The following B3GALT1 variants were observed in gnomAD, a reference collection of about 807,000 sequenced individuals.
B3GALT1 encodes the protein UDP-Gal:betaGlcNAc beta 1,3-galactosyltransferase, polypeptide 1.
B3GALT1 carries 10 observed loss-of-function variants against 23.2 expected under a neutral mutation model. The observed-to-expected ratio is 0.43, with a 90% CI of 0.27 to 0.73. The LOEUF is 0.73. B3GALT1 is among the 30% of genes least tolerant of loss of function. B3GALT1 has a pLI of 0.21. For missense variants in B3GALT1, 299 were observed against 405.4 expected, an observed-to-expected ratio of 0.74 and a Z score of 2.25; for synonymous variants, 156 against 141.5, an observed-to-expected ratio of 1.10 and a Z score of -0.73.
intron 4 of B3GALT1, among the ~76,000 whole-genome samples, chr2:167,829,898 T>C (rs1311857273): frequency 6.6e-6 from 1 of 151,446 alleles, no homozygotes; most frequent in Non-Finnish European, 1.5e-5. Flanking sequence ...TGAAATGGAG[T>C]GGTGGTCCTT....
intron 2 of B3GALT1, among the ~76,000 whole-genome samples, chr2:167,546,554 C>A (rs946888238): frequency 1.1e-4 from 16 of 152,130 alleles, no homozygotes; most frequent in Admixed American, 6.6e-5. Context: ...TCTCACCCCC[C>A]ACCCCAACTC....
At chr2:167,669,666 G>T (rs926052373) in intron 3 of B3GALT1, among the ~76,000 whole-genome samples, 1 of 152,184 alleles carries the variant, frequency 6.6e-6, no homozygotes, top group Non-Finnish European at 1.5e-5. Context: ...CTTTAGAAAT[G>T]TATGTAAAAT....
At chr2:167,562,692 G>T (rs1028460617) in intron 2 of B3GALT1, among the ~76,000 whole-genome samples, 2 of 146,262 alleles carry the variant, frequency 1.4e-5, no homozygotes, top group Admixed American at 6.9e-5. Flanking sequence ...GGTGTTTCTC[G>T]CAGAGGGGGA....
chr2:167,850,586 G>T (rs1689860330), intron 4 of B3GALT1, among the ~76,000 whole-genome samples: 1 of 152,134 alleles, frequency 6.6e-6, no homozygotes, highest in African/African-American at 2.4e-5. Flanking sequence ...AAAGATACTT[G>T]CACACGCATG....
chr2:167,580,516 A>G (rs1352306530), intron 2 of B3GALT1, among the ~76,000 whole-genome samples: 1 of 152,108 alleles, frequency 6.6e-6, no homozygotes, highest in Non-Finnish European at 1.5e-5. Context: ...TTTTAGCCCC[A>G]ATGAGAAACT....
In B3GALT1 at chr2:167,869,624, C is replaced by T. The variant is rs1323958035; in HGVS notation, c.585C>T (p.Ser195=). The T allele has an allele frequency of 6.2e-7, 1 of 1,614,160 alleles. No homozygotes were observed. Among genetic ancestry groups the T allele is most frequent in the South Asian group, 1.1e-5 (1 of 91,078 alleles). The stretch of plus-strand genomic sequence containing the variant: ...TTATTTATAAATTACTGAAACCCTC[C>T]ACCAAGCCACGAAGAAGGTATTTTA... ...DNLIYKLLKP[S]TKPRRRYFTG... The change falls in exon 5 of 5, where the codon TCC becomes TCT. Residue 195 remains serine, a synonymous_variant. Coordinates refer to ENST00000392690, the MANE Select transcript of B3GALT1 (RefSeq NM_020981.4). This position sits in a 1 kb window ranked among gnomAD's most constrained non-coding sequence, Gnocchi z 6.4.
intron 1 of B3GALT1, among the ~76,000 whole-genome samples, chr2:167,407,201 A>T (rs1049105985): frequency 6.6e-6 from 1 of 152,220 alleles, no homozygotes; most frequent in African/African-American, 2.4e-5. Flanking sequence ...CTCAGAAAAT[A>T]CACAAACACA....
intron 1 of B3GALT1, among the ~76,000 whole-genome samples, chr2:167,478,061 G>T (rs1355229103): frequency 1.3e-5 from 2 of 152,156 alleles, no homozygotes; most frequent in African/African-American, 2.4e-5. Context: ...AATCTGCTTT[G>T]CAATGAAATA....
At chr2:167,345,218 A>G (rs1697209930) in intron 1 of B3GALT1, among the ~76,000 whole-genome samples, 1 of 151,866 alleles carries the variant, frequency 6.6e-6, no homozygotes, top group Non-Finnish European at 1.5e-5. Flanking sequence ...TTGGCCATTG[A>G]TAGGAACTGA....
At chr2:167,456,188 G>A (rs1437778474) in intron 1 of B3GALT1, among the ~76,000 whole-genome samples, 1 of 152,180 alleles carries the variant, frequency 6.6e-6, no homozygotes, top group Non-Finnish European at 1.5e-5. Context: ...CAATCATGGT[G>A]GAAGGCAAAG....
intron 1 of B3GALT1, among the ~76,000 whole-genome samples, chr2:167,478,270 A>G (rs1202420509): frequency 6.6e-6 from 1 of 152,148 alleles, no homozygotes. Flanking sequence ...AATCCTAAAC[A>G]CCAACCCACT....
intron 3 of B3GALT1, among the ~76,000 whole-genome samples, chr2:167,796,816 A>G (rs1688553307): frequency 6.6e-6 from 1 of 152,210 alleles, no homozygotes; most frequent in African/African-American, 2.4e-5. Context: ...CAAATATTTT[A>G]TCTTTTAAAA....
At chr2:167,828,554 T>A (rs1430867219) in intron 4 of B3GALT1, among the ~76,000 whole-genome samples, 4 of 152,168 alleles carry the variant, frequency 2.6e-5, no homozygotes, top group African/African-American at 9.7e-5. Flanking sequence ...TTAAAACATG[T>A]CCCCTTCTTT....
chr2:167,296,119 T>G (rs892924341), intron 1 of B3GALT1, among the ~76,000 whole-genome samples: 3 of 152,194 alleles, frequency 2.0e-5, no homozygotes, highest in Non-Finnish European at 2.9e-5. Context: ...TCTAGATGAA[T>G]TTTAGTAATA....
chr2:167,805,760 G>A (rs1441274383), intron 3 of B3GALT1, among the ~76,000 whole-genome samples: 7 of 152,204 alleles, frequency 4.6e-5, no homozygotes, highest in South Asian at 4.1e-4. Flanking sequence ...GTCAGGTAGT[G>A]TGATGCCTCC....
At chr2:167,781,453 G>A (rs560180866) in intron 3 of B3GALT1, among the ~76,000 whole-genome samples, 76 of 152,232 alleles carry the variant, frequency 5.0e-4, no homozygotes, top group African/African-American at 1.8e-3. Context: ...GCTGCCGGAT[G>A]GGTGCAATAC....
In B3GALT1 at chr2:167,665,951, T is replaced by A. The variant is rs538067524; in HGVS notation, c.-352+18985T>A. Among the ~76,000 whole-genome samples the A allele has an allele frequency of 3.3e-5, 5 of 152,298 alleles. 1 individual carries two copies. The East Asian group carries it at 9.6e-4, about 29-fold the overall frequency. On this transcript the variant is annotated intron_variant, in intron 3 of 4. Transcript: ENST00000392690. ...TTAATTTTTTGAAGGGCTTTTTGTGTCTCTATTTCCTTCAGTTCTGCTCTG... is the reference window on the plus strand; with the variant it reads ...TTAATTTTTTGAAGGGCTTTTTGTGACTCTATTTCCTTCAGTTCTGCTCTG...
At chr2:167,706,104 A>G (rs938666620) in intron 3 of B3GALT1, among the ~76,000 whole-genome samples, 3 of 152,208 alleles carry the variant, frequency 2.0e-5, no homozygotes, top group Non-Finnish European at 4.4e-5. Flanking sequence ...TGAGCTCTCT[A>G]TACGGAAGCT....
At chr2:167,791,329 G>T (rs78242650) in intron 3 of B3GALT1, among the ~76,000 whole-genome samples, 1 of 150,926 alleles carries the variant, frequency 6.6e-6, no homozygotes, top group Non-Finnish European at 1.5e-5. Context: ...TTATCACACT[G>T]AAAAAAAAAT....
Sources: allele counts gnomAD v4.1 joint callset (sites outside exome capture counted in the v4.1 genomes callset), GRCh38; gene constraint gnomAD v4.1.1; non-coding constraint Gnocchi (gnomAD v3.1); transcripts MANE v1.5; gene names NCBI Gene and HGNC (gene_info 2026-07-23, HGNC 2026-07-21).